The following CADM2 variants were observed in gnomAD, a reference collection of about 807,000 sequenced individuals.
The protein encoded by CADM2 is cell adhesion molecule 2.
A neutral mutation model predicts 49.8 loss-of-function variants in CADM2; 12 were observed. The ratio of observed to expected loss-of-function variants is 0.24; its 90% CI spans 0.15 to 0.39. The LOEUF is 0.39. Ranked by LOEUF, CADM2 falls within the 10% of genes least tolerant of loss-of-function variation. The probability of loss-of-function intolerance (pLI) is 1.00; values close to 1 mark genes in which losing one functional copy is unlikely to be tolerated. For synonymous variants in CADM2, 214 were observed against 175.4 expected, an observed-to-expected ratio of 1.22 and a Z score of -1.74; for missense variants, 378 against 492.3, an observed-to-expected ratio of 0.77 and a Z score of 2.20.
chr3:86,009,181 A>G (rs1399347147), intron 8 of CADM2, among the ~76,000 whole-genome samples: 4 of 140,044 alleles, frequency 2.9e-5, no homozygotes, highest in Admixed American at 7.5e-5. Flanking sequence ...AGGTATATAT[A>G]TGAATATATG....
intron 8 of CADM2, among the ~76,000 whole-genome samples, chr3:86,060,846 G>A (rs1738546818): frequency 6.6e-6 from 1 of 152,060 alleles, no homozygotes; most frequent in Admixed American, 6.5e-5. Flanking sequence ...GCCGGGCGTG[G>A]TGGTGCACGT....
intron 1 of CADM2, among the ~76,000 whole-genome samples, chr3:85,699,607 G>A (rs1302438581): frequency 6.6e-6 from 1 of 152,204 alleles, no homozygotes; most frequent in Non-Finnish European, 1.5e-5. Flanking sequence ...GGGCCTCTTT[G>A]AGCCAAAGCT....
At chr3:85,955,311 G>A (rs531255913) in intron 7 of CADM2, among the ~76,000 whole-genome samples, 1 of 151,398 alleles carries the variant, frequency 6.6e-6, no homozygotes, top group East Asian at 2.0e-4. Flanking sequence ...AATCCCAAGG[G>A]GGATATCACT....
intron 1 of CADM2, among the ~76,000 whole-genome samples, chr3:85,509,025 A>T (rs1283456856): frequency 6.6e-6 from 1 of 152,152 alleles, no homozygotes; most frequent in Non-Finnish European, 1.5e-5. Flanking sequence ...GTTTTTATGA[A>T]GAATGTGTTG....
intron 1 of CADM2, among the ~76,000 whole-genome samples, chr3:85,562,469 A>T (rs1157990557): frequency 8.1e-6 from 1 of 123,698 alleles, no homozygotes; most frequent in South Asian, 2.8e-4. Flanking sequence ...CAAGAGAGAA[A>T]CTCCATCTCA....
At chr3:85,087,703 T>C (rs2037435604) in intron 1 of CADM2, among the ~76,000 whole-genome samples, 1 of 152,212 alleles carries the variant, frequency 6.6e-6, no homozygotes, top group African/African-American at 2.4e-5. Flanking sequence ...AGTTTTCCCA[T>C]ATTTTTGTGA....
intron 1 of CADM2, among the ~76,000 whole-genome samples, chr3:85,595,795 T>G (rs2063224960): frequency 6.6e-6 from 1 of 152,064 alleles, no homozygotes; most frequent in Admixed American, 6.6e-5. Flanking sequence ...ATAAAAACAT[T>G]AAACAAGTGT....
At chr3:85,121,753 CT>C (rs1358213968) in intron 1 of CADM2, among the ~76,000 whole-genome samples, 3 of 152,164 alleles carry the variant, frequency 2.0e-5, no homozygotes, top group Non-Finnish European at 2.9e-5. Flanking sequence ...AATTCTCACA[CT>C]TCCCTAACTA....
intron 1 of CADM2, among the ~76,000 whole-genome samples, chr3:85,132,677 T>G (rs371161336): frequency 5.3e-5 from 8 of 152,116 alleles, no homozygotes; most frequent in African/African-American, 1.9e-4. Context: ...ATTACAAAGA[T>G]TCAATAATAA....
intron 8 of CADM2, among the ~76,000 whole-genome samples, chr3:86,061,286 G>T (rs897110758): frequency 1.3e-5 from 2 of 151,892 alleles, no homozygotes; most frequent in Non-Finnish European, 1.5e-5. Context: ...TTGATAGGGG[G>T]TGTTTTTAGA....
intron 5 of CADM2, among the ~76,000 whole-genome samples, chr3:85,897,692 A>G (rs1398753169): frequency 6.6e-6 from 1 of 152,106 alleles, no homozygotes; most frequent in Admixed American, 6.5e-5. Context: ...TAAATGGTAG[A>G]TTATATTTTT....
chr3:85,731,918 AC>A (rs2107797789), intron 2 of CADM2, among the ~76,000 whole-genome samples: 1 of 151,946 alleles, frequency 6.6e-6, no homozygotes, highest in South Asian at 2.1e-4. Context: ...TGAAAATATC[AC>A]TTAACTACTT....
At chr3:85,555,039 G>GT (rs2061924435) in intron 1 of CADM2, among the ~76,000 whole-genome samples, 1 of 147,176 alleles carries the variant, frequency 6.8e-6, no homozygotes, top group Admixed American at 7.0e-5. Flanking sequence ...TCTAACCACT[G>GT]TATGAGTCAA....
At chr3:85,546,216 C>A (rs2061667758) in intron 1 of CADM2, among the ~76,000 whole-genome samples, 1 of 152,184 alleles carries the variant, frequency 6.6e-6, no homozygotes, top group African/African-American at 2.4e-5. Context: ...CTGGGCAAAT[C>A]TTGGATAGTC....
chr3:85,497,603 TATG>T (rs542521873), intron 1 of CADM2, among the ~76,000 whole-genome samples: 14 of 152,166 alleles, frequency 9.2e-5, no homozygotes, highest in Admixed American at 2.6e-4. Flanking sequence ...TTCTCATGTT[TATG>T]ATGATTTATT....
At chr3:85,468,701 C>T (rs1553727035) in intron 1 of CADM2, among the ~76,000 whole-genome samples, 1 of 152,036 alleles carries the variant, frequency 6.6e-6, no homozygotes, top group Non-Finnish European at 1.5e-5. Context: ...TTCCAGGACC[C>T]CGTGGGATAC....
At chr3:85,279,086 G>T (rs184588417) in intron 1 of CADM2, among the ~76,000 whole-genome samples, 142 of 151,528 alleles carry the variant, frequency 9.4e-4, no homozygotes, top group Non-Finnish European at 1.8e-3. Context: ...TCAGGAGTAA[G>T]AAATACCTTT....
chr3:86,026,695 G>A (rs377299482), intron 8 of CADM2, among the ~76,000 whole-genome samples: 2 of 152,214 alleles, frequency 1.3e-5, no homozygotes, highest in African/African-American at 4.8e-5. Flanking sequence ...TGTTGTATGT[G>A]CTCATTGTAC....
chr3:85,773,342 G>C (rs2070198299), intron 2 of CADM2, among the ~76,000 whole-genome samples: 1 of 151,888 alleles, frequency 6.6e-6, no homozygotes, highest in African/African-American at 2.4e-5. Context: ...GGGCAATGCA[G>C]ACCAGCTGTA....
Sources: gnomAD v4.1 joint callset for allele counts (sites outside exome capture counted in the v4.1 genomes callset) on GRCh38, gnomAD v4.1.1 for gene constraint, MANE v1.5 for transcripts, NCBI Gene and HGNC (gene_info 2026-07-23, HGNC 2026-07-21) for gene names.